COLQ: variants seen among roughly 807,000 people sequenced by gnomAD.
COLQ encodes the protein collagen like tail subunit of asymmetric acetylcholinesterase.
COLQ carries 48 observed loss-of-function variants against 69.0 expected under a neutral mutation model. That is an observed-to-expected ratio of 0.70 (90% confidence interval 0.55 to 0.88). The LOEUF (loss-of-function observed/expected upper bound fraction) is 0.88. Among genes scored for constraint, COLQ ranks in the 40% least tolerant of loss-of-function variants. The probability of loss-of-function intolerance (pLI) is 0.00; values close to 1 mark genes in which losing one functional copy is unlikely to be tolerated. For synonymous variants in COLQ, 217 were observed against 211.2 expected (o/e 1.03, Z -0.24); for missense variants, 618 against 594.6 (o/e 1.04, Z -0.41).
rs780362486 is a variant in COLQ, at chr3:15,470,579, C to G, written c.674G>C (p.Gly225Ala). The G allele has an allele frequency of 8.1e-6, 13 of 1,614,012 alleles. No homozygotes were observed. Among genetic ancestry groups the G allele is most frequent in the Non-Finnish European group, 1.1e-5 (13 of 1,180,030 alleles). The change falls in exon 11 of 17, where the codon GGA becomes GCA. Residue 225 changes from glycine (G) to alanine (A), a missense_variant. Transcript: ENST00000383788. ...TGGTCTTCCTGTGGGTCCTCGGTGT[C>G]CTGCTATCCCAGGTTCACCTTTTGG... ...MGPKGEPGIA[G>A]HRGPTGRPGK...
At chr3:15,498,504 C>A (rs1183228150) in intron 1 of COLQ, 3 of 1,551,558 alleles carry the variant, frequency 1.9e-6, no homozygotes, top group Non-Finnish European at 2.6e-6. Flanking sequence ...CACGCACACA[C>A]AACTCACCCA....
intron 11 of COLQ, chr3:15,467,888 A>G (rs2062224272): frequency 2.2e-6 from 1 of 456,612 alleles, no homozygotes; most frequent in African/African-American, 2.0e-5. Flanking sequence ...CGTCTTGGTA[A>G]TGTGCAAGGA....
intron 1 of COLQ, among the ~76,000 whole-genome samples, chr3:15,501,348 T>G (rs865854006): frequency 4.6e-5 from 7 of 152,294 alleles, no homozygotes; most frequent in South Asian, 4.1e-4. Flanking sequence ...GGGGCTGAAG[T>G]AGATTCTGCT....
chr3:15,450,710 G>A lies in COLQ; in HGVS notation c.*934C>T, dbSNP rs1199868639. On this transcript the variant is annotated 3_prime_UTR_variant, in exon 17 of 17. Coordinates refer to ENST00000383788, the MANE Select transcript of COLQ (RefSeq NM_005677.4). ...GCTCTGGCCAGGAACGCTCTGCCTA[G>A]AGAGAGCCCTCTGCAGCTGGCCCTA... The A allele has an allele frequency of 6.6e-6, 1 of 152,406 alleles. No individual in the cohort carries two copies. 9.4% of individuals were successfully genotyped at this position (152,406 alleles called of 1,614,324 possible). A position where few individuals can be genotyped will look rare whatever the true frequency, so the allele number is the denominator to read the frequency against.
At chr3:15,510,774 A>C (rs1575496740) in intron 1 of COLQ, among the ~76,000 whole-genome samples, 1 of 39,972 alleles carries the variant, frequency 2.5e-5, no homozygotes, top group Non-Finnish European at 4.6e-5. Context: ...AGGGGAGGGG[A>C]GGGGAATGGA....
intron 1 of COLQ, among the ~76,000 whole-genome samples, chr3:15,497,788 C>T (rs2062767420): frequency 6.6e-6 from 1 of 152,196 alleles, no homozygotes; most frequent in South Asian, 2.1e-4. Flanking sequence ...TGAGTTGGGT[C>T]TCAGCTACAG....
At chr3:15,454,054 C>A (rs2061990227) in intron 15 of COLQ, 123 bp from the exon 16 acceptor site, 1 of 707,402 alleles carries the variant, frequency 1.4e-6, no homozygotes, top group Non-Finnish European at 2.5e-6. Flanking sequence ...AAGAACTGAC[C>A]TCCATTAAGC....
At position 15,466,426 on chromosome 3, in the gene COLQ, C is replaced by G; in HGVS notation, c.729G>C (p.Gly243=). The G allele has an allele frequency of 6.2e-7, 1 of 1,614,026 alleles. No individual in the cohort carries two copies. Among genetic ancestry groups the G allele is most frequent in the Non-Finnish European group, 8.5e-7 (1 of 1,179,948 alleles). ...CTGGTGGGCCCATAACTCCACTATC[C>G]CCTTTCTGTCCCTGACAGAGAGAAA... ...PGKRGKQGQK[G]DSGVMGPPGK... is the part of the protein sequence containing the mutation. The change falls in exon 12 of 17, where the codon GGG becomes GGC. Residue 243 remains glycine, a synonymous_variant. Transcript: ENST00000383788.
At chr3:15,467,684 A>G in intron 11 of COLQ, 1 of 355,218 alleles carries the variant, frequency 2.8e-6, no homozygotes, top group Non-Finnish European at 5.5e-6. Context: ...CTCTTGCCTC[A>G]GGCCTAATCA....
chr3:15,511,057 G>A (rs2062978889), intron 1 of COLQ, among the ~76,000 whole-genome samples: 1 of 152,160 alleles, frequency 6.6e-6, no homozygotes, highest in Non-Finnish European at 1.5e-5. Context: ...TTGTGTGGGT[G>A]CTAATTCTGT....
chr3:15,460,519 T>G (rs1206142122), intron 12 of COLQ, among the ~76,000 whole-genome samples: 1 of 152,120 alleles, frequency 6.6e-6, no homozygotes, highest in Non-Finnish European at 1.5e-5. Context: ...GGAACACAGT[T>G]CACAGATCCA....
chr3:15,468,535 T>A (rs1008423078), intron 11 of COLQ, among the ~76,000 whole-genome samples: 5 of 152,140 alleles, frequency 3.3e-5, no homozygotes, highest in Non-Finnish European at 5.9e-5. Flanking sequence ...TGTCACTGTA[T>A]GTTGGCCAGG....
At chr3:15,502,967 C>T (rs960001338) in intron 1 of COLQ, among the ~76,000 whole-genome samples, 2 of 152,212 alleles carry the variant, frequency 1.3e-5, no homozygotes, top group African/African-American at 2.4e-5. Flanking sequence ...CGAAAAATGA[C>T]TCTTGGAGAA....
At chr3:15,453,079 T>C (rs149156323) in intron 16 of COLQ, among the ~76,000 whole-genome samples, 247 of 152,330 alleles carry the variant, frequency 1.6e-3, no homozygotes, top group Non-Finnish European at 2.8e-3. Context: ...CCTGAGAACG[T>C]TGTACAACTC....
At chr3:15,454,060 T>A in intron 15 of COLQ, 129 bp from the exon 16 acceptor site, 1 of 697,386 alleles carries the variant, frequency 1.4e-6, no homozygotes, top group Non-Finnish European at 2.6e-6. Context: ...TGACCTCCAT[T>A]AAGCTTCACA....
At chr3:15,484,797 T>C (rs1346911283) in intron 3 of COLQ, among the ~76,000 whole-genome samples, 2 of 152,246 alleles carry the variant, frequency 1.3e-5, no homozygotes, top group East Asian at 1.9e-4. Context: ...CTACACTGTT[T>C]ATTCTAGTTA....
intron 1 of COLQ, among the ~76,000 whole-genome samples, chr3:15,518,714 T>C (rs1204311458): frequency 6.6e-6 from 1 of 152,136 alleles, no homozygotes; most frequent in Non-Finnish European, 1.5e-5. Context: ...ATGAGAGCTC[T>C]TCCTCCATCA....
rs535100406 is a variant in COLQ at position 15,453,596 on chromosome 3, G to A, written c.1298+233C>T. Among the ~76,000 whole-genome samples the A allele has an allele frequency of 9.2e-5, 14 of 152,302 alleles. No individual in the cohort carries two copies. In the South Asian group the frequency reaches 1.7e-3, roughly 18 times the overall value. On this transcript the variant is annotated intron_variant, in intron 16 of 16. Transcript: ENST00000383788. ...GCAGCTCCCCTCTGGGCCTTGGATG[G>A]AGCAGGTGGCTGTGGGTGCCGTGGC...
chr3:15,479,482 T>C, intron 3 of COLQ, 100 bp from the exon 4 acceptor site: 1 of 1,177,428 alleles, frequency 8.5e-7, no homozygotes, highest in Non-Finnish European at 1.3e-6. Flanking sequence ...AGCAACATCA[T>C]TCTCTGGGCA....
Sources: allele counts gnomAD v4.1 joint callset (sites outside exome capture counted in the v4.1 genomes callset), GRCh38; gene constraint gnomAD v4.1.1; transcripts MANE v1.5; gene names NCBI Gene and HGNC (gene_info 2026-07-23, HGNC 2026-07-21).